CCSER1: variants seen among roughly 807,000 people sequenced by gnomAD.
CCSER1 encodes serine-rich coiled-coil domain-containing protein 1.
CCSER1 carries 41 observed loss-of-function variants against 82.0 expected under a neutral mutation model. The observed-to-expected ratio is 0.50, with a 90% CI of 0.39 to 0.65. The LOEUF (loss-of-function observed/expected upper bound fraction) is 0.65, where lower values mean the gene tolerates loss of function less well. CCSER1 is among the 30% of genes least tolerant of loss of function. CCSER1 has a pLI of 0.00. For missense variants in CCSER1, 1,119 were observed against 1,064.2 expected (o/e 1.05, Z -0.72); for synonymous variants, 414 against 383.9 (o/e 1.08, Z -0.92).
chr4:90,413,890 A>G (rs1190858371), intron 4 of CCSER1, among the ~76,000 whole-genome samples: 1 of 133,772 alleles, frequency 7.5e-6, no homozygotes, highest in Non-Finnish European at 1.6e-5. Context: ...TGGAGCTTGC[A>G]GTGAGCCAAG....
intron 9 of CCSER1, among the ~76,000 whole-genome samples, chr4:91,012,811 C>G (rs1739112981): frequency 9.7e-6 from 1 of 102,856 alleles, no homozygotes; most frequent in Admixed American, 9.6e-5. Flanking sequence ...GAAGGGCTCT[C>G]AGCTCACCTT....
intron 7 of CCSER1, among the ~76,000 whole-genome samples, chr4:90,728,000 G>A (rs557147880): frequency 2.6e-5 from 4 of 152,200 alleles, no homozygotes; most frequent in Admixed American, 2.0e-4. Flanking sequence ...AGCTTCAAAA[G>A]TACACAAAGG....
chr4:91,441,807 A>G (rs1755174479), intron 10 of CCSER1, among the ~76,000 whole-genome samples: 1 of 151,454 alleles, frequency 6.6e-6, no homozygotes, highest in Non-Finnish European at 1.5e-5. Context: ...AAAAATCACA[A>G]GCATTCTTAT....
intron 9 of CCSER1, among the ~76,000 whole-genome samples, chr4:90,986,861 G>A (rs1459213587): frequency 1.3e-5 from 2 of 151,718 alleles, no homozygotes; most frequent in Non-Finnish European, 2.9e-5. Context: ...GAGACCCTGT[G>A]TATCATGCAA....
intron 10 of CCSER1, among the ~76,000 whole-genome samples, chr4:91,176,613 C>T (rs1733401397): frequency 6.6e-6 from 1 of 151,358 alleles, no homozygotes; most frequent in South Asian, 2.1e-4. Flanking sequence ...TGATTTGGCT[C>T]TCTGTTTGTC....
intron 10 of CCSER1, among the ~76,000 whole-genome samples, chr4:91,441,679 T>C (rs1462297858): frequency 6.6e-6 from 1 of 152,156 alleles, no homozygotes; most frequent in African/African-American, 2.4e-5. Context: ...GGAAGTCAAA[T>C]TGTCCCTGTT....
chr4:90,935,029 T>C (rs550111935), intron 9 of CCSER1, among the ~76,000 whole-genome samples: 2 of 151,844 alleles, frequency 1.3e-5, no homozygotes, highest in Non-Finnish European at 2.9e-5. Context: ...CATATATATA[T>C]GTATATATGT....
intron 1 of CCSER1, among the ~76,000 whole-genome samples, chr4:90,153,578 C>G (rs1421986190): frequency 6.6e-6 from 1 of 152,020 alleles, no homozygotes; most frequent in Non-Finnish European, 1.5e-5. Flanking sequence ...GATTGCCATT[C>G]TAACTGGTGT....
At chr4:90,967,450 A>G (rs1734679185) in intron 9 of CCSER1, among the ~76,000 whole-genome samples, 1 of 151,980 alleles carries the variant, frequency 6.6e-6, no homozygotes, top group Non-Finnish European at 1.5e-5. Context: ...CTTTGTCTCA[A>G]AGAAAAAAAA....
chr4:90,935,055 T>TTA (rs957497686), intron 9 of CCSER1, among the ~76,000 whole-genome samples: 7 of 151,680 alleles, frequency 4.6e-5, no homozygotes, highest in Admixed American at 6.6e-5. Flanking sequence ...TGTATATATA[T>TTA]TATATATATA....
intron 1 of CCSER1, among the ~76,000 whole-genome samples, chr4:90,217,523 A>G (rs552480561): frequency 6.6e-6 from 1 of 152,222 alleles, no homozygotes; most frequent in East Asian, 1.9e-4. Flanking sequence ...TAGGTATAGA[A>G]TTATATTGTC....
intron 1 of CCSER1, among the ~76,000 whole-genome samples, chr4:90,180,883 GTTGAGTACTAGACTATACGAGT>G (rs904616501): frequency 1.3e-5 from 2 of 152,084 alleles, no homozygotes; most frequent in Non-Finnish European, 2.9e-5. Flanking sequence ...AAGACTATAG[GTTGAGTACTAGACTATACGAGT>G]TTGAATAATT....
intron 6 of CCSER1, among the ~76,000 whole-genome samples, chr4:90,707,561 T>C (rs1426682617): frequency 6.6e-6 from 1 of 151,204 alleles, no homozygotes; most frequent in Non-Finnish European, 1.5e-5. Context: ...ATATATAATA[T>C]TCAAACAGTT....
rs534099089 is a variant in CCSER1 at position 91,305,766 on chromosome 4, A to G, written c.2217+219772A>G. 1.9e-3 allele frequency among the ~76,000 whole-genome samples: 293 copies of G among 152,032 alleles called. 1 individual carries two copies. The highest frequency in any genetic ancestry group is 6.7e-3 in the African/African-American group (279 of 41,506). ...AAAGAAAAAGAGGTTCAATGGACTCATAGTTCCACATGACTGGGGAGGCCT... is the reference window on the plus strand; with the variant it reads ...AAAGAAAAAGAGGTTCAATGGACTCGTAGTTCCACATGACTGGGGAGGCCT... On this transcript the variant is annotated intron_variant, in intron 10 of 10. Coordinates refer to ENST00000509176, the MANE Select transcript of CCSER1 (RefSeq NM_001145065.2).
At chr4:91,357,899 TTTTTG>T (rs1748963536) in intron 10 of CCSER1, among the ~76,000 whole-genome samples, 1 of 84,212 alleles carries the variant, frequency 1.2e-5, no homozygotes, top group Non-Finnish European at 2.8e-5. Context: ...TTTTTTTTTT[TTTTTG>T]AAGATAACCA....
intron 1 of CCSER1, among the ~76,000 whole-genome samples, chr4:90,300,159 C>A (rs1422211996): frequency 2.0e-5 from 3 of 151,988 alleles, no homozygotes; most frequent in Admixed American, 6.6e-5. Flanking sequence ...TTTCAAATGC[C>A]AATAAAAATA....
At chr4:91,047,654 C>A (rs2148701015) in intron 9 of CCSER1, among the ~76,000 whole-genome samples, 1 of 152,210 alleles carries the variant, frequency 6.6e-6, no homozygotes, top group South Asian at 2.1e-4. Flanking sequence ...CCTCTATGAA[C>A]TTGAATTTGA....
intron 10 of CCSER1, among the ~76,000 whole-genome samples, chr4:91,229,048 A>G (rs1352293485): frequency 3.3e-5 from 5 of 152,166 alleles, no homozygotes; most frequent in Non-Finnish European, 5.9e-5. Flanking sequence ...GAGCGGGCCA[A>G]TGATAAATCA....
rs187953320 is a variant in CCSER1 at position 90,915,725 on chromosome 4, G to A, written c.2095-7645G>A. Among the ~76,000 whole-genome samples the A allele has an allele frequency of 0.01, 1,544 of 151,826 alleles. 140 individuals carry two copies. In the East Asian group the frequency reaches 0.24, roughly 24 times the overall value. On this transcript the variant is annotated intron_variant, in intron 8 of 10. Coordinates refer to ENST00000509176, the MANE Select transcript of CCSER1 (RefSeq NM_001145065.2). ...AATTAGGAAAGGAGGAAGTCATCTT[G>A]CCCTGTTTGCAGATGACATGATTGT...
Sources: allele counts gnomAD v4.1 joint callset (sites outside exome capture counted in the v4.1 genomes callset), GRCh38; gene constraint gnomAD v4.1.1; transcripts MANE v1.5; gene names NCBI Gene and HGNC (gene_info 2026-07-23, HGNC 2026-07-21).